Variants in ABCA13 observed in about 807,000 individuals in gnomAD.
ABCA13 encodes the protein ATP binding cassette subfamily A member 13.
Under a neutral mutation model 478.7 loss-of-function variants are expected in ABCA13, and 476 were observed. That is an observed-to-expected ratio of 0.99 (90% CI 0.92 to 1.07). ABCA13 has a LOEUF of 1.07. Among genes scored for constraint, ABCA13 ranks in the 50% least tolerant of loss-of-function variants. ABCA13 has a pLI of 0.00. For missense variants in ABCA13, 6,060 were observed against 5,910.6 expected (o/e 1.03, Z -0.83); for synonymous variants, 2,252 against 2,158.9 (o/e 1.04, Z -1.20).
At chr7:48,400,824 G>A (rs1817503787) in intron 38 of ABCA13, among the ~76,000 whole-genome samples, 1 of 152,188 alleles carries the variant, frequency 6.6e-6, no homozygotes, top group African/African-American at 2.4e-5. Context: ...AATAAGTCAA[G>A]GACTTTTACT....
At chr7:48,200,471 AG>A in intron 3 of ABCA13, among the ~76,000 whole-genome samples, 1 of 152,196 alleles carries the variant, frequency 6.6e-6, no homozygotes. Context: ...GCAGAAATTC[AG>A]GGGTTATAAA....
intron 48 of ABCA13, among the ~76,000 whole-genome samples, chr7:48,494,559 A>C (rs1362891376): frequency 1.3e-5 from 2 of 152,296 alleles, no homozygotes; most frequent in Non-Finnish European, 2.9e-5. Context: ...GGGAGTAAGA[A>C]ACAAAAGGAC....
At chr7:48,395,225 C>T (rs1453426989) in intron 38 of ABCA13, among the ~76,000 whole-genome samples, 1 of 152,190 alleles carries the variant, frequency 6.6e-6, no homozygotes, top group Non-Finnish European at 1.5e-5. Flanking sequence ...GGTTCACACA[C>T]TCTCTCCAGT....
At position 48,410,527 on chromosome 7, in the gene ABCA13, G is replaced by C; in HGVS notation, c.12078G>C (p.Thr4026=). 6.2e-7 allele frequency: 1 copy of C among 1,613,996 alleles called. No homozygotes were observed. Among genetic ancestry groups the C allele is most frequent in the Non-Finnish European group, 8.5e-7 (1 of 1,179,868 alleles). The change falls in exon 40 of 62, where the codon ACG becomes ACC. Residue 4026 remains threonine, a synonymous_variant. Coordinates refer to ENST00000435803, the MANE Select transcript of ABCA13 (RefSeq NM_152701.5). ...CCCTGTGCTTGGACCCAGGTCGTAC[G>C]ATCATCTTCACAACCCACCACCTGG... ...DILLKYREGR[T]IIFTTHHLDE...
At chr7:48,317,031 A>T in intron 26 of ABCA13, 126 bp from the exon 27 acceptor site, 1 of 1,158,112 alleles carries the variant, frequency 8.6e-7, no homozygotes, top group Non-Finnish European at 1.2e-6. Context: ...CAAAGTTCAG[A>T]GTGGTGTCAG....
chr7:48,633,748 G>A (rs11982751), intron 59 of ABCA13, among the ~76,000 whole-genome samples: 19,176 of 151,400 alleles, frequency 0.13, 1,321 homozygotes, highest in East Asian at 0.24. Context: ...AATTAGCTAG[G>A]TGTGGTGGCA....
intron 55 of ABCA13, among the ~76,000 whole-genome samples, chr7:48,559,501 C>T (rs1585807174): frequency 1.3e-5 from 2 of 152,226 alleles, no homozygotes; most frequent in East Asian, 3.9e-4. Context: ...TAAGAGCTCA[C>T]TCAGGTACCA....
Position 48,234,078 on chromosome 7 carries a change from A to G in ABCA13, c.824A>G (p.Asp275Gly). The G allele has an allele frequency of 2.5e-6, 4 of 1,614,044 alleles. No individual in the cohort carries two copies. In the South Asian group the frequency reaches 3.3e-5, roughly 13 times the overall value. ...TGGGATCCACAGAAAGTCCAGTATGATCTCAAATCCCAGTTTGGCTTTGAT... is the reference window on the plus strand; with the variant it reads ...TGGGATCCACAGAAAGTCCAGTATGGTCTCAAATCCCAGTTTGGCTTTGAT... ...IVWDPQKVQY[D>G]LKSQFGFDDL... The change falls in exon 8 of 62, where the codon GAT becomes GGT. Residue 275 changes from aspartate (D) to glycine (G), a missense_variant. Physicochemically the swap from Asp to Gly is moderately conservative, Grantham distance 94. Coordinates refer to ENST00000435803, the MANE Select transcript of ABCA13 (RefSeq NM_152701.5).
intron 1 of ABCA13, among the ~76,000 whole-genome samples, chr7:48,190,446 C>G (rs1289656561): frequency 1.3e-5 from 2 of 152,070 alleles, no homozygotes; most frequent in African/African-American, 4.8e-5. Flanking sequence ...ACTTTGATGG[C>G]CTTTACCTTT....
intron 42 of ABCA13, among the ~76,000 whole-genome samples, chr7:48,439,319 C>G (rs550129292): frequency 2.0e-5 from 3 of 152,034 alleles, no homozygotes; most frequent in African/African-American, 7.2e-5. Flanking sequence ...GGGGGCTGCT[C>G]TCAATTCTGA....
intron 10 of ABCA13, among the ~76,000 whole-genome samples, chr7:48,241,491 A>C (rs1226978830): frequency 6.6e-6 from 1 of 152,230 alleles, no homozygotes; most frequent in African/African-American, 2.4e-5. Context: ...TGAAGTGTTT[A>C]CATAAGGTCC....
In ABCA13 at chr7:48,639,042, A is replaced by G. The variant is rs556411236; in HGVS notation, c.14838-4246A>G. On this transcript the variant is annotated intron_variant, in intron 59 of 61. Coordinates refer to ENST00000435803, the MANE Select transcript of ABCA13 (RefSeq NM_152701.5). ...GTAAATCAGAGGCAGAGATAGCAGC[A>G]TCAGTATTTTGTGGGGATTAATTGG... Among the ~76,000 whole-genome samples, 133 of 152,284 alleles carry G rather than the reference A, an allele frequency of 8.7e-4. 1 individual carries two copies. The highest frequency in any genetic ancestry group is 2.8e-3 in the African/African-American group (115 of 41,560).
intron 23 of ABCA13, among the ~76,000 whole-genome samples, chr7:48,305,031 C>G (rs920304927): frequency 3.3e-5 from 5 of 152,228 alleles, no homozygotes; most frequent in Admixed American, 2.0e-4. Flanking sequence ...CCTTAAATAT[C>G]CTGTAAGTCA....
At chr7:48,186,233 T>C (rs554811222) in intron 1 of ABCA13, among the ~76,000 whole-genome samples, 1 of 152,218 alleles carries the variant, frequency 6.6e-6, no homozygotes, top group South Asian at 2.1e-4. Context: ...GTTTCTTTAG[T>C]GTAGGTCTGT....
At chr7:48,407,841 T>C (rs1818464727) in intron 39 of ABCA13, among the ~76,000 whole-genome samples, 1 of 152,116 alleles carries the variant, frequency 6.6e-6, no homozygotes, top group Non-Finnish European at 1.5e-5. Context: ...TTAAATGGTA[T>C]GTACATTATA....
In ABCA13 at chr7:48,556,399, G is replaced by A. The variant is rs996650680; in HGVS notation, c.14355-23825G>A. ...ATATCTGTTCAGTGCTGCAAGTGGGGCATTGAAGTCCCCAGGTATTGTTAT... is the reference window on the plus strand; with the variant it reads ...ATATCTGTTCAGTGCTGCAAGTGGGACATTGAAGTCCCCAGGTATTGTTAT... On this transcript the variant is annotated intron_variant, in intron 55 of 61. Transcript: ENST00000435803. Among the ~76,000 whole-genome samples the A allele has an allele frequency of 2.0e-5, 3 of 152,020 alleles. No individual in the cohort carries two copies. The South Asian group carries it at 6.2e-4, about 32-fold the overall frequency.
At chr7:48,459,838 C>T (rs1485867414) in intron 43 of ABCA13, among the ~76,000 whole-genome samples, 2 of 152,168 alleles carry the variant, frequency 1.3e-5, no homozygotes, top group African/African-American at 4.8e-5. Context: ...AAAGACAGCT[C>T]TCTACACATT....
chr7:48,388,397 T>C (rs563158333), intron 36 of ABCA13, among the ~76,000 whole-genome samples: 117 of 152,350 alleles, frequency 7.7e-4, no homozygotes, highest in African/African-American at 2.6e-3. Context: ...AGAATATCAC[T>C]GTCCCTTACA....
chr7:48,296,658 T>C (rs1443539138), intron 21 of ABCA13, among the ~76,000 whole-genome samples: 1 of 151,954 alleles, frequency 6.6e-6, no homozygotes, highest in Non-Finnish European at 1.5e-5. Flanking sequence ...GAGATGGGGT[T>C]TCACCGTGTT....
Sources: allele counts gnomAD v4.1 joint callset (sites outside exome capture counted in the v4.1 genomes callset), GRCh38; gene constraint gnomAD v4.1.1; transcripts MANE v1.5; gene names NCBI Gene and HGNC (gene_info 2026-07-23, HGNC 2026-07-21).